Variants in RBFOX1 observed in about 807,000 individuals in gnomAD.
RBFOX1 encodes RNA binding protein fox-1 homolog 1.
A neutral mutation model predicts 57.7 loss-of-function variants in RBFOX1; 8 were observed. The observed-to-expected ratio is 0.14, with a 90% CI of 0.08 to 0.25. The LOEUF (loss-of-function observed/expected upper bound fraction) is 0.25, where lower values mean the gene tolerates loss of function less well. RBFOX1 is among the 10% of genes least tolerant of loss of function. The probability of loss-of-function intolerance (pLI) is 1.00; values close to 1 mark genes in which losing one functional copy is unlikely to be tolerated. For missense variants in RBFOX1, 611 were observed against 548.5 expected (o/e 1.11, Z -1.14); for synonymous variants, 326 against 222.4 (o/e 1.47, Z -4.15).
rs1488179395 is a variant in RBFOX1 at position 7,468,477 on chromosome 16, T to G, written c.28-49670T>G. On this transcript the variant is annotated intron_variant, in intron 4 of 15. Coordinates refer to ENST00000550418, the MANE Select transcript of RBFOX1 (RefSeq NM_018723.4). The stretch of plus-strand genomic sequence containing the variant: ...AGGGTGTTTTTTTTTTTTTTTTTCC[T>G]GGTGACAACTTGGAAATAACCCATT... Among the ~76,000 whole-genome samples the G allele has an allele frequency of 8.3e-5, 12 of 143,764 alleles. No homozygotes were observed. The East Asian group carries it at 2.4e-3, about 29-fold the overall frequency. The allele number at this position is 143,764 out of a possible 152,430, so 94.3% of individuals were successfully genotyped here.
chr16:5,931,962 C>T (rs1267830381), intron 4 of RBFOX1, among the ~76,000 whole-genome samples: 1 of 145,738 alleles, frequency 6.9e-6, no homozygotes, highest in Non-Finnish European at 1.5e-5. Context: ...CATGCACCAT[C>T]ACTCCTAGCT....
At chr16:6,924,220 A>G (rs1046683029) in intron 3 of RBFOX1, among the ~76,000 whole-genome samples, 5 of 151,536 alleles carry the variant, frequency 3.3e-5, no homozygotes, top group Admixed American at 1.3e-4. Context: ...GAAACTGGGT[A>G]ATTTATAAAG....
At chr16:7,614,007 A>G (rs2058014924) in intron 10 of RBFOX1, among the ~76,000 whole-genome samples, 2 of 152,160 alleles carry the variant, frequency 1.3e-5, no homozygotes, top group African/African-American at 4.8e-5. Flanking sequence ...TTTACAAGGT[A>G]ACTGTTACCA....
chr16:5,518,418 C>G (rs1207306114), intron 2 of RBFOX1, among the ~76,000 whole-genome samples: 1 of 152,132 alleles, frequency 6.6e-6, no homozygotes, highest in Non-Finnish European at 1.5e-5. Flanking sequence ...TGCTTTTTCC[C>G]ATCAGCTCAA....
At chr16:7,250,621 A>C (rs1417365204) in intron 4 of RBFOX1, among the ~76,000 whole-genome samples, 1 of 152,218 alleles carries the variant, frequency 6.6e-6, no homozygotes, top group African/African-American at 2.4e-5. Context: ...TGTACACAGC[A>C]GACACTGAGC....
chr16:7,677,180 C>T (rs1430067746), intron 14 of RBFOX1, among the ~76,000 whole-genome samples: 1 of 148,762 alleles, frequency 6.7e-6, no homozygotes, highest in East Asian at 2.0e-4. Context: ...TTCTTATGGT[C>T]TTCCACATAA....
At chr16:5,349,354 T>G (rs1401513603) in intron 1 of RBFOX1, among the ~76,000 whole-genome samples, 5 of 152,146 alleles carry the variant, frequency 3.3e-5, no homozygotes, top group Non-Finnish European at 7.3e-5. Flanking sequence ...CATTTTCCCA[T>G]AGTTAACAAC....
chr16:5,922,842 A>T (rs2058854122), intron 4 of RBFOX1, among the ~76,000 whole-genome samples: 1 of 152,254 alleles, frequency 6.6e-6, no homozygotes, highest in African/African-American at 2.4e-5. Context: ...GGAAGTGTAA[A>T]ATATTCAAGC....
chr16:5,316,417 A>G (rs542412065), intron 1 of RBFOX1, among the ~76,000 whole-genome samples: 1 of 152,292 alleles, frequency 6.6e-6, no homozygotes, highest in Non-Finnish European at 1.5e-5. Context: ...TCTCCAGTGA[A>G]TAGGTGGAGA....
Position 6,932,812 on chromosome 16 carries a change from G to C in RBFOX1, c.-15-119245G>C, listed in dbSNP as rs1345072575. ...TGGAGGCATTAAATATAGTCACACT[G>C]TTGTGTAACCATGGCCACTGTACAT... is the stretch of plus-strand genomic sequence containing the variant. On this transcript the variant is annotated intron_variant, in intron 3 of 15. Coordinates refer to ENST00000550418, the MANE Select transcript of RBFOX1 (RefSeq NM_018723.4). Among the ~76,000 whole-genome samples, 5 of 152,146 alleles carry C rather than the reference G, an allele frequency of 3.3e-5. No individual in the cohort carries two copies. The East Asian group carries it at 5.8e-4, about 18-fold the overall frequency.
chr16:6,131,467 A>G (rs2096629207), intron 1 of RBFOX1, among the ~76,000 whole-genome samples: 1 of 152,216 alleles, frequency 6.6e-6, no homozygotes, highest in Non-Finnish European at 1.5e-5. Context: ...CCCTTGCTCT[A>G]GAGTCACTTA....
chr16:6,973,155 T>C (rs1389886753), intron 3 of RBFOX1, among the ~76,000 whole-genome samples: 3 of 139,874 alleles, frequency 2.1e-5, no homozygotes, highest in Admixed American at 7.8e-5. Context: ...AATTTAAAAA[T>C]AGAGACAAGG....
chr16:6,513,021 C>A (rs56719839), intron 2 of RBFOX1, among the ~76,000 whole-genome samples: 1 of 152,296 alleles, frequency 6.6e-6, no homozygotes, highest in East Asian at 1.9e-4. Context: ...ATGTCTCCTT[C>A]CCACTGTGAA....
chr16:5,493,400 C>T (rs1567159478), intron 2 of RBFOX1, among the ~76,000 whole-genome samples: 1 of 152,108 alleles, frequency 6.6e-6, no homozygotes, highest in Non-Finnish European at 1.5e-5. Context: ...CCTCCGCACC[C>T]TCTGTGTGTT....
intron 4 of RBFOX1, among the ~76,000 whole-genome samples, chr16:7,265,274 G>A (rs1336779019): frequency 3.9e-5 from 6 of 151,940 alleles, no homozygotes; most frequent in Non-Finnish European, 8.8e-5. Context: ...GGATGGTCTA[G>A]TTATCATGTG....
chr16:7,563,563 G>A (rs998799782), intron 5 of RBFOX1, among the ~76,000 whole-genome samples: 1 of 152,158 alleles, frequency 6.6e-6, no homozygotes, highest in Non-Finnish European at 1.5e-5. Context: ...TGCCTCCCGG[G>A]TTCAGGCAAT....
At chr16:6,636,419 C>T (rs544712986) in intron 2 of RBFOX1, among the ~76,000 whole-genome samples, 516 of 152,190 alleles carry the variant, frequency 3.4e-3, no homozygotes, top group African/African-American at 0.012. Flanking sequence ...ATCAGCCCGG[C>T]TCGGCCTCCC....
intron 2 of RBFOX1, among the ~76,000 whole-genome samples, chr16:6,570,627 A>G (rs1386387027): frequency 6.6e-6 from 1 of 152,238 alleles, no homozygotes; most frequent in Non-Finnish European, 1.5e-5. Flanking sequence ...AACAGCATAT[A>G]AAGACAAAGC....
chr16:6,522,330 T>C (rs895290914), intron 2 of RBFOX1, among the ~76,000 whole-genome samples: 1 of 152,170 alleles, frequency 6.6e-6, no homozygotes, highest in African/African-American at 2.4e-5. Context: ...CCAGAGATGA[T>C]ATTTGTTAAA....
Sources: gnomAD v4.1 joint callset for allele counts (sites outside exome capture counted in the v4.1 genomes callset) on GRCh38, gnomAD v4.1.1 for gene constraint, MANE v1.5 for transcripts, NCBI Gene and HGNC (gene_info 2026-07-23, HGNC 2026-07-21) for gene names.